NEBL: variants seen among roughly 807,000 people sequenced by gnomAD.
The protein encoded by NEBL is LIM and SH3 protein 2.
In NEBL, 122 loss-of-function variants were observed where a neutral mutation model predicts 140.2. The observed-to-expected ratio is 0.87, with a 90% CI of 0.75 to 1.01. The LOEUF is 1.01. Among genes scored for constraint, NEBL ranks in the 50% least tolerant of loss-of-function variants. The pLI is 0.00. For synonymous variants in NEBL, 436 were observed against 398.9 expected, an observed-to-expected ratio of 1.09 and a Z score of -1.11; for missense variants, 1,365 against 1,231.3, an observed-to-expected ratio of 1.11 and a Z score of -1.62.
Position 20,981,815 on chromosome 10 carries a change from A to G in NEBL, c.250-20036T>C, listed in dbSNP as rs189362999. 4.1e-3 allele frequency among the ~76,000 whole-genome samples: 630 copies of G among 152,314 alleles called. 4 individuals carry two copies. The highest frequency in any genetic ancestry group is 0.015 in the African/African-American group (612 of 41,568). On this transcript the variant is annotated intron_variant, in intron 3 of 6. Transcript: ENST00000417816. ...TGAAAATGGAGTTGTCACAGAAGAC[A>G]TGAATTGAGAGATAGAAATAAACAG... is the stretch of plus-strand genomic sequence containing the variant.
intron 27 of NEBL, among the ~76,000 whole-genome samples, chr10:20,786,761 C>G (rs752455532): frequency 1.3e-5 from 2 of 152,188 alleles, no homozygotes; most frequent in African/African-American, 4.8e-5. Flanking sequence ...AAGTTTTACA[C>G]TGAATATATG....
chr10:20,911,375 A>T (rs191324033), intron 4 of NEBL, among the ~76,000 whole-genome samples: 5 of 152,296 alleles, frequency 3.3e-5, no homozygotes, highest in African/African-American at 1.2e-4. Context: ...ACACAGTTAA[A>T]TGTATATACC....
chr10:20,828,801 G>A (rs988589274), intron 16 of NEBL, among the ~76,000 whole-genome samples, 167 bp from the exon 17 acceptor site: 3 of 151,996 alleles, frequency 2.0e-5, no homozygotes, highest in Admixed American at 1.3e-4. Context: ...GACAGAGATA[G>A]AATGATACCA....
At chr10:21,018,250 A>G (rs780449278) in intron 3 of NEBL, among the ~76,000 whole-genome samples, 7 of 152,230 alleles carry the variant, frequency 4.6e-5, no homozygotes, top group Non-Finnish European at 1.0e-4. Context: ...ATGATTTTGC[A>G]CAGTACCAAA....
In NEBL at chr10:20,897,248, T is replaced by G; in HGVS notation, c.-43A>C. The G allele has an allele frequency of 5.2e-6, 8 of 1,534,918 alleles. No individual in the cohort carries two copies. The highest frequency in any genetic ancestry group is 7.0e-6 in the Non-Finnish European group (8 of 1,144,386). On this transcript the variant is annotated 5_prime_UTR_variant, in exon 1 of 28. Transcript: ENST00000377122. The stretch of plus-strand genomic sequence containing the variant: ...TTTATATTTTTAAAATTTACTCATG[T>G]GGCGTCCTTTTCCATACCACAGTGC...
chr10:20,813,024 G>A lies in NEBL; in HGVS notation c.2347-84C>T, dbSNP rs557900758. 14 of 1,135,948 alleles carry A rather than the reference G, an allele frequency of 1.2e-5. No homozygotes were observed. The East Asian group carries it at 3.4e-4, about 28-fold the overall frequency. The allele number at this position is 1,135,948 out of a possible 1,614,324, so 70.4% of individuals were successfully genotyped here. A position where few individuals can be genotyped will look rare whatever the true frequency, so the allele number is the denominator to read the frequency against. ...TTTTATTAAATGACAGGTGTACACT[G>A]CACTGGCTGCGTGCAGATTGTCTAC... On this transcript the variant is annotated intron_variant, in intron 23 of 27. Coordinates refer to ENST00000377122, the MANE Select transcript of NEBL (RefSeq NM_006393.3).
intron 4 of NEBL, among the ~76,000 whole-genome samples, chr10:20,911,686 C>G (rs1013495446): frequency 1.3e-5 from 2 of 152,006 alleles, no homozygotes; most frequent in Non-Finnish European, 2.9e-5. Flanking sequence ...GGACATATTC[C>G]CAAGGCATGG....
intron 7 of NEBL, among the ~76,000 whole-genome samples, chr10:20,864,611 T>C (rs974949927): frequency 1.3e-5 from 2 of 152,214 alleles, no homozygotes; most frequent in East Asian, 3.8e-4. Context: ...ACAATGCTTC[T>C]GGTGCTGTGG....
At chr10:20,849,453 C>CT (rs1225901969) in intron 11 of NEBL, among the ~76,000 whole-genome samples, 3 of 152,122 alleles carry the variant, frequency 2.0e-5, no homozygotes, top group Non-Finnish European at 4.4e-5. Context: ...GGTGGGAACT[C>CT]TAAGAGGTGA....
At chr10:20,952,822 T>C (rs1835547591) in intron 4 of NEBL, among the ~76,000 whole-genome samples, 1 of 147,142 alleles carries the variant, frequency 6.8e-6, no homozygotes, top group South Asian at 2.1e-4. Flanking sequence ...CGAGAATTAC[T>C]TGAACCCCGG....
At chr10:21,254,547 G>A (rs1051965502) in intron 1 of NEBL, among the ~76,000 whole-genome samples, 1 of 152,024 alleles carries the variant, frequency 6.6e-6, no homozygotes, top group Non-Finnish European at 1.5e-5. Flanking sequence ...AGATTCAAGC[G>A]ATTCTTATGC....
intron 4 of NEBL, among the ~76,000 whole-genome samples, chr10:20,904,804 G>A (rs1848021174): frequency 6.6e-6 from 1 of 152,188 alleles, no homozygotes; most frequent in South Asian, 2.1e-4. Flanking sequence ...TATGAGAGTG[G>A]ATTTATTGAA....
intron 4 of NEBL, among the ~76,000 whole-genome samples, chr10:20,935,111 CCA>C (rs1217458423): frequency 6.6e-6 from 1 of 152,126 alleles, no homozygotes; most frequent in East Asian, 1.9e-4. Flanking sequence ...GCTCAAAGAA[CCA>C]CAGTCTACCT....
chr10:21,072,147 A>G (rs1351029173), intron 2 of NEBL, among the ~76,000 whole-genome samples: 1 of 152,026 alleles, frequency 6.6e-6, no homozygotes, highest in East Asian at 1.9e-4. Context: ...AGGTTCTGAA[A>G]GAGAATCGGT....
intron 2 of NEBL, among the ~76,000 whole-genome samples, chr10:21,171,335 C>CA (rs576463516): frequency 0.055 from 3,662 of 66,338 alleles, 72 homozygotes; most frequent in Non-Finnish European, 0.084. Flanking sequence ...ACTTCTGTCT[C>CA]AAAAAAAAAA....
At chr10:20,834,348 G>A (rs921788516) in intron 14 of NEBL, among the ~76,000 whole-genome samples, 5 of 152,096 alleles carry the variant, frequency 3.3e-5, no homozygotes, top group Non-Finnish European at 7.4e-5. Context: ...AGTAGGAAAG[G>A]GATAAAGCAG....
intron 3 of NEBL, among the ~76,000 whole-genome samples, chr10:21,239,359 T>C (rs1468433071): frequency 6.6e-6 from 1 of 152,002 alleles, no homozygotes; most frequent in Non-Finnish European, 1.5e-5. Flanking sequence ...TTTGAAGAGA[T>C]CCAATTATTT....
chr10:21,166,243 A>AC, intron 2 of NEBL, among the ~76,000 whole-genome samples: 1 of 102,796 alleles, frequency 9.7e-6, no homozygotes, highest in African/African-American at 5.0e-5. Context: ...AAAAAAAAAA[A>AC]AAGAAAAGAA....
intron 2 of NEBL, among the ~76,000 whole-genome samples, chr10:21,152,388 A>G (rs189007439): frequency 6.6e-6 from 1 of 152,322 alleles, no homozygotes; most frequent in African/African-American, 2.4e-5. Context: ...AAAGTTATAC[A>G]ATGCCCCTGG....
Sources: gnomAD v4.1 joint callset for allele counts (sites outside exome capture counted in the v4.1 genomes callset) on GRCh38, gnomAD v4.1.1 for gene constraint, MANE v1.5 for transcripts, NCBI Gene and HGNC (gene_info 2026-07-23, HGNC 2026-07-21) for gene names.